The following PIEZO2 variants were observed in gnomAD, a reference collection of about 807,000 sequenced individuals.
The protein encoded by PIEZO2 is piezo type mechanosensitive ion channel component 2.
In PIEZO2, 172 loss-of-function variants were observed where a neutral mutation model predicts 337.3. That is an observed-to-expected ratio of 0.51 (90% CI 0.45 to 0.58). The LOEUF is 0.58. Among genes scored for constraint, PIEZO2 ranks in the 20% least tolerant of loss-of-function variants. The pLI, the probability that PIEZO2 is intolerant of heterozygous loss-of-function variation, is 0.00. For missense variants in PIEZO2, 3,028 were observed against 3,391.3 expected, an observed-to-expected ratio of 0.89 and a Z score of 2.66; for synonymous variants, 1,251 against 1,228.5, an observed-to-expected ratio of 1.02 and a Z score of -0.38.
chr18:10,784,829 G>GT lies in PIEZO2; in HGVS notation c.2446dup (p.Thr816AsnfsTer30), dbSNP rs2039161519. 3.9e-6 allele frequency: 6 copies of GT among 1,537,608 alleles called. No individual in the cohort carries two copies. On this transcript the variant is annotated frameshift_variant, in exon 17 of 56. Coordinates refer to ENST00000674853, the MANE Select transcript of PIEZO2 (RefSeq NM_001378183.1). LOFTEE classifies it high-confidence loss of function. The surrounding 1 kb of genome is among the most constrained non-coding windows in gnomAD (Gnocchi z 4.5). ...TTTGCTGGGAATGGACTTGAGGTCT[G>GT]TGAGTTCAAGGAACCGGTCATGGAA...
intron 4 of PIEZO2, among the ~76,000 whole-genome samples, chr18:10,897,959 T>G (rs1447915459): frequency 6.6e-6 from 1 of 152,242 alleles, no homozygotes; most frequent in Non-Finnish European, 1.5e-5. Context: ...GGTAGGCTGG[T>G]GCAAGCTCCT....
At chr18:10,740,719 T>C (rs556783848) in intron 33 of PIEZO2, 6 of 505,992 alleles carry the variant, frequency 1.2e-5, no homozygotes, top group South Asian at 8.7e-5. Context: ...GACCTCAGAA[T>C]TGGGCAATAT....
chr18:10,772,207 G>A (rs1457984173), intron 20 of PIEZO2, among the ~76,000 whole-genome samples: 1 of 152,180 alleles, frequency 6.6e-6, no homozygotes, highest in African/African-American at 2.4e-5. Context: ...TCTACTGGGA[G>A]TCTTAGAACA....
intron 3 of PIEZO2, among the ~76,000 whole-genome samples, chr18:10,949,666 T>C (rs2033196998): frequency 6.6e-6 from 1 of 152,226 alleles, no homozygotes; most frequent in African/African-American, 2.4e-5. Flanking sequence ...AATTATTGCA[T>C]TCATACAAGG....
rs2034638809 is a variant in PIEZO2 at position 10,980,907 on chromosome 18, C to A, written c.161-1247G>T. Reference sequence around the variant, plus strand: ...AAAGTGGTTAACTAAGGGAGACTATCCTCCATAACCTGGGAAGGCATGATT... The same window carrying A: ...AAAGTGGTTAACTAAGGGAGACTATACTCCATAACCTGGGAAGGCATGATT... On this transcript the variant is annotated intron_variant, in intron 2 of 55. Coordinates refer to ENST00000674853, the MANE Select transcript of PIEZO2 (RefSeq NM_001378183.1). The surrounding 1 kb of genome is among the most constrained non-coding windows in gnomAD (Gnocchi z 4.8). 6.6e-6 allele frequency among the ~76,000 whole-genome samples: 1 copy of A among 152,118 alleles called. No individual in the cohort carries two copies. The highest frequency in any genetic ancestry group is 2.1e-4 in the South Asian group (1 of 4,832).
chr18:11,042,379 T>C lies in PIEZO2; in HGVS notation c.160+23748A>G, dbSNP rs533716510. Reference sequence around the variant, plus strand: ...GCAGGCTGGGGATGGCCATGTGCACTTCATACACACAGTCCTCTCTGACCC... The same window carrying C: ...GCAGGCTGGGGATGGCCATGTGCACCTCATACACACAGTCCTCTCTGACCC... On this transcript the variant is annotated intron_variant, in intron 2 of 55. Transcript: ENST00000674853. 7.9e-5 allele frequency among the ~76,000 whole-genome samples: 12 copies of C among 152,326 alleles called. No individual in the cohort carries two copies. In the East Asian group the frequency reaches 1.7e-3, roughly 22 times the overall value.
intron 3 of PIEZO2, among the ~76,000 whole-genome samples, chr18:10,936,553 A>C (rs1485352602): frequency 6.6e-6 from 1 of 152,068 alleles, no homozygotes; most frequent in Non-Finnish European, 1.5e-5. Context: ...ATTTTTGCTG[A>C]TGTGCTAGTT....
intron 3 of PIEZO2, among the ~76,000 whole-genome samples, chr18:10,972,672 T>C (rs751659628): frequency 4.6e-5 from 7 of 152,142 alleles, no homozygotes; most frequent in South Asian, 4.1e-4. Flanking sequence ...AAGACTATCA[T>C]AGAGAATGAT....
intron 10 of PIEZO2, among the ~76,000 whole-genome samples, chr18:10,800,929 T>G (rs1372039214): frequency 6.6e-6 from 1 of 152,274 alleles, no homozygotes; most frequent in Non-Finnish European, 1.5e-5. Context: ...TGCACAGGAC[T>G]AATGCAAACA....
Position 10,726,299 on chromosome 18 carries a change from C to G in PIEZO2, c.5029+5108G>C. On this transcript the variant is annotated intron_variant, in intron 36 of 55. Transcript: ENST00000674853. This position sits in a 1 kb window ranked among gnomAD's most constrained non-coding sequence, Gnocchi z 5.9. ...AATGGAAGCGTCGCGGCCAGAGCCC[C>G]GGCCAGGTGGAGCAGGTGGGTCCCC... is the stretch of plus-strand genomic sequence containing the variant. 9.3e-7 allele frequency: 1 copy of G among 1,074,934 alleles called. No individual in the cohort carries two copies. The highest frequency in any genetic ancestry group is 1.3e-6 in the Non-Finnish European group (1 of 741,580). 66.6% of individuals were successfully genotyped at this position (1,074,934 alleles called of 1,614,324 possible).
intron 1 of PIEZO2, among the ~76,000 whole-genome samples, chr18:11,113,560 A>T (rs983639512): frequency 1.3e-5 from 2 of 152,198 alleles, no homozygotes; most frequent in Non-Finnish European, 2.9e-5. Flanking sequence ...AATCCTCCGT[A>T]TAACAGAAAA....
chr18:10,704,921 C>G (rs2035510450), intron 41 of PIEZO2, among the ~76,000 whole-genome samples: 1 of 152,218 alleles, frequency 6.6e-6, no homozygotes, highest in African/African-American at 2.4e-5. Flanking sequence ...GAACTCCTAA[C>G]CTCAGGTGAT....
chr18:11,089,300 G>A (rs541019960), intron 1 of PIEZO2, among the ~76,000 whole-genome samples: 34 of 152,220 alleles, frequency 2.2e-4, no homozygotes, highest in African/African-American at 7.9e-4. Flanking sequence ...TAGGCTTATC[G>A]AGTAAGACTT....
chr18:11,106,835 G>A (rs2039583341), intron 1 of PIEZO2, among the ~76,000 whole-genome samples: 1 of 144,150 alleles, frequency 6.9e-6, no homozygotes, highest in South Asian at 2.6e-4. Context: ...GCTTGGGACT[G>A]TTTTTTGGGC....
intron 15 of PIEZO2, among the ~76,000 whole-genome samples, chr18:10,787,923 C>T (rs114785637): frequency 6.6e-6 from 1 of 152,004 alleles, no homozygotes; most frequent in Non-Finnish European, 1.5e-5. Flanking sequence ...GAATGAAATT[C>T]TTTTAATTAA....
intron 49 of PIEZO2, among the ~76,000 whole-genome samples, chr18:10,689,031 G>C (rs182316931): frequency 6.6e-6 from 1 of 152,236 alleles, no homozygotes; most frequent in Non-Finnish European, 1.5e-5. Context: ...TCATACAGAG[G>C]AGCCTTTTTC....
chr18:10,901,831 G>A (rs574494467), intron 4 of PIEZO2, among the ~76,000 whole-genome samples: 1 of 151,944 alleles, frequency 6.6e-6, no homozygotes, highest in South Asian at 2.1e-4. Flanking sequence ...AGTCAGATCC[G>A]GATTTTAACT....
Position 10,774,046 on chromosome 18 carries a change from T to C in PIEZO2, c.2535-8A>G, listed in dbSNP as rs1375584060. The C allele has an allele frequency of 4.3e-6, 3 of 702,928 alleles. No homozygotes were observed. The highest frequency in any genetic ancestry group is 1.5e-5 in the South Asian group (1 of 67,584). The allele number at this position is 702,928 out of a possible 1,614,324, so 43.5% of individuals were successfully genotyped here. Reference sequence around the variant, plus strand: ...GGTAATTTTTTCTTGATGCTGCTCATAGTAATTGAAATAGAAAGGAAAAAA... The same window carrying C: ...GGTAATTTTTTCTTGATGCTGCTCACAGTAATTGAAATAGAAAGGAAAAAA... On this transcript the variant is annotated splice_polypyrimidine_tract_variant and splice_region_variant and intron_variant, in intron 18 of 55. Transcript: ENST00000674853.
Position 10,993,219 on chromosome 18 carries a change from C to A in PIEZO2, c.161-13559G>T, listed in dbSNP as rs1204044248. On this transcript the variant is annotated intron_variant, in intron 2 of 55. Coordinates refer to ENST00000674853, the MANE Select transcript of PIEZO2 (RefSeq NM_001378183.1). The surrounding 1 kb of genome is among the most constrained non-coding windows in gnomAD (Gnocchi z 5.0). ...TTCCTATTTGAATACGCTTTATTTCCTTCTCTTGCCTGATTGCCCTGGCCA... is the reference window on the plus strand; with the variant it reads ...TTCCTATTTGAATACGCTTTATTTCATTCTCTTGCCTGATTGCCCTGGCCA... Among the ~76,000 whole-genome samples, 1 of 152,122 alleles carries A rather than the reference C, an allele frequency of 6.6e-6. No individual in the cohort carries two copies. The highest frequency in any genetic ancestry group is 1.5e-5 in the Non-Finnish European group (1 of 68,022).
Sources: allele counts gnomAD v4.1 joint callset (sites outside exome capture counted in the v4.1 genomes callset), GRCh38; gene constraint gnomAD v4.1.1; non-coding constraint Gnocchi (gnomAD v3.1); transcripts MANE v1.5; gene names NCBI Gene and HGNC (gene_info 2026-07-23, HGNC 2026-07-21).